The following MARCHF4 variants were observed in gnomAD, a reference collection of about 807,000 sequenced individuals.
The protein encoded by MARCHF4 is E3 ubiquitin-protein ligase MARCHF4.
MARCHF4 carries 14 observed loss-of-function variants against 43.9 expected under a neutral mutation model. The ratio of observed to expected loss-of-function variants is 0.32; its 90% CI spans 0.21 to 0.50. The LOEUF is 0.50. Ranked by LOEUF, MARCHF4 falls within the 20% of genes least tolerant of loss-of-function variation. The pLI is 0.98. For missense variants in MARCHF4, 468 were observed against 536.7 expected (o/e 0.87, Z 1.27); for synonymous variants, 226 against 213.3 (o/e 1.06, Z -0.52).
chr2:216,301,102 C>G (rs1240955631), intron 1 of MARCHF4, among the ~76,000 whole-genome samples: 1 of 152,182 alleles, frequency 6.6e-6, no homozygotes, highest in African/African-American at 2.4e-5. Context: ...TGCCAGCTCC[C>G]TTGCTGAGAA....
chr2:216,341,133 C>T (rs11889415), intron 1 of MARCHF4, among the ~76,000 whole-genome samples: 14,499 of 152,236 alleles, frequency 0.095, 1,027 homozygotes, highest in African/African-American at 0.19. Flanking sequence ...GCAGTGCCAG[C>T]AGAATCATTT....
chr2:216,320,319 AAT>A (rs1477869017), intron 1 of MARCHF4, among the ~76,000 whole-genome samples: 1 of 152,258 alleles, frequency 6.6e-6, no homozygotes, highest in African/African-American at 2.4e-5. Context: ...TTTAGTGAAT[AAT>A]AAACACTTCC....
At chr2:216,283,898 A>C (rs1691176986) in intron 1 of MARCHF4, among the ~76,000 whole-genome samples, 169 bp from the exon 2 acceptor site, 1 of 152,112 alleles carries the variant, frequency 6.6e-6, no homozygotes, top group African/African-American at 2.4e-5. Context: ...CTGCACCCCC[A>C]CCATGAGAGC....
At chr2:216,342,992 G>A (rs1223431631) in intron 1 of MARCHF4, among the ~76,000 whole-genome samples, 1 of 152,160 alleles carries the variant, frequency 6.6e-6, no homozygotes, top group Non-Finnish European at 1.5e-5. Flanking sequence ...AAGAAGCATG[G>A]GGACAGGAGC....
chr2:216,333,011 A>T (rs1692104108), intron 1 of MARCHF4, among the ~76,000 whole-genome samples: 4 of 152,264 alleles, frequency 2.6e-5, no homozygotes, highest in African/African-American at 9.6e-5. Flanking sequence ...CACAAAAACC[A>T]GTTCTAGATG....
intron 1 of MARCHF4, among the ~76,000 whole-genome samples, chr2:216,315,242 G>A (rs1014274845): frequency 6.6e-6 from 1 of 152,184 alleles, no homozygotes; most frequent in Non-Finnish European, 1.5e-5. Flanking sequence ...GTTTACTCCT[G>A]ATAGTGGCAG....
At chr2:216,261,105 C>T (rs776057985) in intron 3 of MARCHF4, among the ~76,000 whole-genome samples, 7 of 152,038 alleles carry the variant, frequency 4.6e-5, no homozygotes, top group Admixed American at 6.6e-5. Flanking sequence ...CTGCGGTGAC[C>T]GGATTCATTT....
rs374934475 is a variant in MARCHF4, at chr2:216,299,846, T to C, written c.517-16117A>G. ...TGTCTGATTCAGCATAGGTTGACTGTCCTCTGCCTCATGTCTCTTATCATC... is the reference window on the plus strand; with the variant it reads ...TGTCTGATTCAGCATAGGTTGACTGCCCTCTGCCTCATGTCTCTTATCATC... On this transcript the variant is annotated intron_variant, in intron 1 of 3. Transcript: ENST00000273067. Among the ~76,000 whole-genome samples the C allele has an allele frequency of 9.8e-5, 15 of 152,364 alleles. No individual in the cohort carries two copies. In the East Asian group the frequency reaches 2.3e-3, roughly 23 times the overall value.
At chr2:216,322,428 G>A (rs114815312) in intron 1 of MARCHF4, among the ~76,000 whole-genome samples, 3,298 of 152,308 alleles carry the variant, frequency 0.022, 101 homozygotes, top group African/African-American at 0.071. Context: ...ACCTTCAGGG[G>A]ACCTGTGAAC....
At chr2:216,307,536 A>G (rs1057357106) in intron 1 of MARCHF4, among the ~76,000 whole-genome samples, 3 of 138,142 alleles carry the variant, frequency 2.2e-5, no homozygotes, top group Non-Finnish European at 5.1e-5. Flanking sequence ...TTTCAAATCA[A>G]CGTTTTTTTT....
chr2:216,272,605 G>C (rs1330294405), intron 3 of MARCHF4, among the ~76,000 whole-genome samples: 1 of 152,220 alleles, frequency 6.6e-6, no homozygotes, highest in Non-Finnish European at 1.5e-5. Flanking sequence ...TGTGTGACTT[G>C]GAGCACAGTT....
Position 216,329,877 on chromosome 2 carries a change from G to A in MARCHF4, c.516+39868C>T, listed in dbSNP as rs535357547. On this transcript the variant is annotated intron_variant, in intron 1 of 3. Coordinates refer to ENST00000273067, the MANE Select transcript of MARCHF4 (RefSeq NM_020814.3). Reference sequence around the variant, plus strand: ...CAAGGTGGGAGGATCGCTTGGGGCCGGAGTTTGAGACCAGCCTGGGTAGCA... The same window carrying A: ...CAAGGTGGGAGGATCGCTTGGGGCCAGAGTTTGAGACCAGCCTGGGTAGCA... Among the ~76,000 whole-genome samples, 9 of 151,878 alleles carry A rather than the reference G, an allele frequency of 5.9e-5. No individual in the cohort carries two copies. In the South Asian group the frequency reaches 6.3e-4, roughly 11 times the overall value.
chr2:216,322,643 G>A (rs564057146), intron 1 of MARCHF4, among the ~76,000 whole-genome samples: 7 of 152,300 alleles, frequency 4.6e-5, no homozygotes, highest in Admixed American at 3.3e-4. Flanking sequence ...CCAACATGGC[G>A]AAACCCCATC....
At chr2:216,307,795 T>C (rs1351965353) in intron 1 of MARCHF4, among the ~76,000 whole-genome samples, 1 of 152,154 alleles carries the variant, frequency 6.6e-6, no homozygotes, top group African/African-American at 2.4e-5. Flanking sequence ...GAAATACTTA[T>C]TGATGCCTAG....
At chr2:216,352,545 C>T (rs1336499614) in intron 1 of MARCHF4, among the ~76,000 whole-genome samples, 1 of 152,036 alleles carries the variant, frequency 6.6e-6, no homozygotes, top group East Asian at 1.9e-4. Context: ...TTAATAGAGA[C>T]AGGGTCCCAC....
At position 216,359,529 on chromosome 2, in the gene MARCHF4, A is replaced by G. The variant is rs184361183; in HGVS notation, c.516+10216T>C. 2.1e-3 allele frequency among the ~76,000 whole-genome samples: 319 copies of G among 152,312 alleles called. 1 individual carries two copies. The highest frequency in any genetic ancestry group is 2.2e-3 in the Admixed American group (33 of 15,304). ...TCACCCACCAGGAGGTTGCCTCAAG[A>G]GACAACAGTCAATCTACAACCCCAA... On this transcript the variant is annotated intron_variant, in intron 1 of 3. Coordinates refer to ENST00000273067, the MANE Select transcript of MARCHF4 (RefSeq NM_020814.3).
chr2:216,310,415 C>T (rs567672496), intron 1 of MARCHF4, among the ~76,000 whole-genome samples: 101 of 152,168 alleles, frequency 6.6e-4, no homozygotes, highest in African/African-American at 2.4e-3. Context: ...GTGCATGACA[C>T]CAAGCCCAGC....
chr2:216,295,536 T>G (rs1691375962), intron 1 of MARCHF4, among the ~76,000 whole-genome samples: 1 of 152,208 alleles, frequency 6.6e-6, no homozygotes, highest in Non-Finnish European at 1.5e-5. Flanking sequence ...GTCTGAAACC[T>G]AGGGAGTGTT....
chr2:216,333,792 A>G (rs1234239981), intron 1 of MARCHF4, among the ~76,000 whole-genome samples: 1 of 152,152 alleles, frequency 6.6e-6, no homozygotes, highest in East Asian at 1.9e-4. Context: ...GCTCCTGGAA[A>G]GAGACCCGTC....
Sources: gnomAD v4.1 joint callset for allele counts (sites outside exome capture counted in the v4.1 genomes callset) on GRCh38, gnomAD v4.1.1 for gene constraint, MANE v1.5 for transcripts, NCBI Gene and HGNC (gene_info 2026-07-23, HGNC 2026-07-21) for gene names.